The following ADCY5 variants were observed in gnomAD, a reference collection of about 807,000 sequenced individuals.
ADCY5 encodes the protein adenylate cyclase 5.
Under a neutral mutation model 119.7 loss-of-function variants are expected in ADCY5, and 30 were observed. The ratio of observed to expected loss-of-function variants is 0.25; its 90% CI spans 0.19 to 0.34. The LOEUF (loss-of-function observed/expected upper bound fraction) is 0.34. ADCY5 is among the 10% of genes least tolerant of loss of function. The pLI is 1.00. For missense variants in ADCY5, 1,324 were observed against 1,775.2 expected (o/e 0.75, Z 4.57); for synonymous variants, 753 against 762.2 (o/e 0.99, Z 0.20).
At chr3:123,383,345 C>CCTCCTCGG (rs1944097518) in intron 1 of ADCY5, among the ~76,000 whole-genome samples, 1 of 152,214 alleles carries the variant, frequency 6.6e-6, no homozygotes, top group Non-Finnish European at 1.5e-5. Flanking sequence ...GCCCTCCTCG[C>CCTCCTCGG]CTCCTCGGGA....
chr3:123,297,454 C>A (rs1939590400), intron 15 of ADCY5, 72 bp from the exon 16 acceptor site: 1 of 1,512,778 alleles, frequency 6.6e-7, no homozygotes, highest in Admixed American at 1.7e-5. Context: ...CCTGCTCAGC[C>A]CCCACGCCCT....
chr3:123,375,132 A>T (rs1193992193), intron 1 of ADCY5, among the ~76,000 whole-genome samples: 1 of 152,040 alleles, frequency 6.6e-6, no homozygotes, highest in Non-Finnish European at 1.5e-5. Flanking sequence ...GCCCTTTTTC[A>T]AGGGCAGCAC....
intron 11 of ADCY5, among the ~76,000 whole-genome samples, chr3:123,315,015 C>T (rs916758200): frequency 6.6e-6 from 1 of 152,198 alleles, no homozygotes; most frequent in South Asian, 2.1e-4. Context: ...ACCTTCACAG[C>T]CACCACGGGT....
rs1939768787 is a variant in ADCY5, at chr3:123,300,272, G to A, written c.2748C>T (p.Leu916=). 2 of 1,613,468 alleles carry A rather than the reference G, an allele frequency of 1.2e-6. No individual in the cohort carries two copies. The highest frequency in any genetic ancestry group is 1.7e-6 in the Non-Finnish European group (2 of 1,180,032). Residue 916 remains leucine (L), a synonymous_variant, in exon 15 of 21, where the codon CTC becomes CTT. Coordinates refer to ENST00000462833, the MANE Select transcript of ADCY5 (RefSeq NM_183357.3). The stretch of plus-strand genomic sequence containing the variant: ...GGAACACGGAGCAGGCCAGCAGGCT[G>A]AGCAGCACGCTGTAGGTGAAGTACT... ...FPEYFTYSVL[L]SLLACSVFLQ...
chr3:123,369,806 C>T (rs1017237267), intron 1 of ADCY5, among the ~76,000 whole-genome samples: 4 of 152,210 alleles, frequency 2.6e-5, no homozygotes, highest in African/African-American at 7.2e-5. Context: ...TGTGACCAAA[C>T]AGCTCTCAGC....
intron 1 of ADCY5, among the ~76,000 whole-genome samples, chr3:123,386,886 G>A (rs777980579): frequency 7.9e-5 from 12 of 152,180 alleles, no homozygotes; most frequent in Non-Finnish European, 1.3e-4. Flanking sequence ...CAGCGTGGAA[G>A]GGAACCTCCA....
intron 1 of ADCY5, among the ~76,000 whole-genome samples, chr3:123,441,854 C>G (rs894631034): frequency 1.3e-5 from 2 of 152,026 alleles, no homozygotes; most frequent in African/African-American, 4.8e-5. Context: ...CCTTTTCTAA[C>G]AGCCATCCCA....
chr3:123,372,834 T>C (rs916139726), intron 1 of ADCY5, among the ~76,000 whole-genome samples: 1 of 152,180 alleles, frequency 6.6e-6, no homozygotes, highest in Non-Finnish European at 1.5e-5. Flanking sequence ...CGTTAAAAAA[T>C]CAGCATTGGC....
chr3:123,391,446 A>G (rs759030954), intron 1 of ADCY5, among the ~76,000 whole-genome samples: 5 of 152,064 alleles, frequency 3.3e-5, no homozygotes, highest in Non-Finnish European at 7.4e-5. Flanking sequence ...ATAAATTACT[A>G]TTATGACTTC....
At chr3:123,303,686 G>A (rs191142338) in intron 13 of ADCY5, among the ~76,000 whole-genome samples, 3 of 152,244 alleles carry the variant, frequency 2.0e-5, no homozygotes, top group Admixed American at 2.0e-4. Flanking sequence ...TTAGCTGGGC[G>A]TGGTGGTGCA....
intron 1 of ADCY5, among the ~76,000 whole-genome samples, chr3:123,423,049 T>C (rs147150740): frequency 2.0e-5 from 3 of 152,112 alleles, no homozygotes; most frequent in Non-Finnish European, 4.4e-5. Flanking sequence ...GACAGACCAG[T>C]TACTGGAGCC....
At chr3:123,292,608 AG>A (rs2108204149) in intron 17 of ADCY5, among the ~76,000 whole-genome samples, 1 of 152,234 alleles carries the variant, frequency 6.6e-6, no homozygotes, top group South Asian at 2.1e-4. Flanking sequence ...CTTCCTGCCC[AG>A]GTGACCTAAG....
chr3:123,409,512 G>A (rs775988963), intron 1 of ADCY5, among the ~76,000 whole-genome samples: 1 of 152,168 alleles, frequency 6.6e-6, no homozygotes, highest in Non-Finnish European at 1.5e-5. Context: ...TAATAGTCCT[G>A]TCCAAGCAGC....
At chr3:123,291,401 C>T (rs1939140311) in intron 17 of ADCY5, 25 bp from the exon 18 acceptor site, 16 of 1,593,056 alleles carry the variant, frequency 1.0e-5, no homozygotes, top group Non-Finnish European at 1.4e-5. Context: ...CTGCAAGTCA[C>T]CCAGATGCCA....
chr3:123,304,283 TG>T (rs1940077944), intron 12 of ADCY5, 100 bp from the exon 13 acceptor site: 1 of 777,140 alleles, frequency 1.3e-6, no homozygotes, highest in Admixed American at 2.0e-5. Context: ...GACCCACCTG[TG>T]TCTCTCCCCA....
At chr3:123,291,414 GTGAGCCCAGA>G in intron 17 of ADCY5, 38 bp from the exon 18 acceptor site, 1 of 1,586,100 alleles carries the variant, frequency 6.3e-7, no homozygotes, top group Non-Finnish European at 8.6e-7. Context: ...AGATGCCAAT[GTGAGCCCAGA>G]TGTCGGCCCC....
chr3:123,317,903 T>C, intron 11 of ADCY5, 117 bp downstream of exon 11: 1 of 917,294 alleles, frequency 1.1e-6, no homozygotes, highest in South Asian at 1.5e-5. Context: ...CTTCTCTCCG[T>C]GCCTGAGCAA....
rs78931908 is a variant in ADCY5 at position 123,286,083 on chromosome 3, G to A, written c.3657+602C>T. Among the ~76,000 whole-genome samples the A allele has an allele frequency of 8.5e-4, 129 of 152,298 alleles. 2 individuals are homozygous for A. In the East Asian group the frequency reaches 0.022, roughly 26 times the overall value. On this transcript the variant is annotated intron_variant, in intron 20 of 20. Coordinates refer to ENST00000462833, the MANE Select transcript of ADCY5 (RefSeq NM_183357.3). The surrounding 1 kb of genome is among the most constrained non-coding windows in gnomAD (Gnocchi z 4.2). ...GTGCAGGAGGACTACTGCCCAGGGC[G>A]GTGCCTCTGCCATCAGACTGCAGCA...
intron 1 of ADCY5, among the ~76,000 whole-genome samples, chr3:123,416,786 T>G (rs1320551405): frequency 2.0e-5 from 3 of 151,956 alleles, no homozygotes; most frequent in Non-Finnish European, 4.4e-5. Context: ...AGTGTATTTG[T>G]GTGTGTGTAT....
Sources: allele counts gnomAD v4.1 joint callset (sites outside exome capture counted in the v4.1 genomes callset), GRCh38; gene constraint gnomAD v4.1.1; non-coding constraint Gnocchi (gnomAD v3.1); transcripts MANE v1.5; gene names NCBI Gene and HGNC (gene_info 2026-07-23, HGNC 2026-07-21).